RBFOX1: variants seen among roughly 807,000 people sequenced by gnomAD.
RBFOX1 encodes the protein RNA binding protein fox-1 homolog 1.
Under a neutral mutation model 57.7 loss-of-function variants are expected in RBFOX1, and 8 were observed. The observed-to-expected ratio is 0.14, with a 90% confidence interval of 0.08 to 0.25. The LOEUF is 0.25. Ranked by LOEUF, RBFOX1 falls within the 10% of genes least tolerant of loss-of-function variation. The pLI is 1.00. For missense variants in RBFOX1, 611 were observed against 548.5 expected (o/e 1.11, Z -1.14); for synonymous variants, 326 against 222.4 (o/e 1.47, Z -4.15).
intron 2 of RBFOX1, among the ~76,000 whole-genome samples, chr16:6,323,956 A>T (rs1322775180): frequency 1.3e-5 from 2 of 152,106 alleles, no homozygotes; most frequent in Non-Finnish European, 2.9e-5. Flanking sequence ...TATTTTTAGT[A>T]GAGAAAGGGT....
intron 1 of RBFOX1, among the ~76,000 whole-genome samples, chr16:5,257,112 C>G (rs185260424): frequency 7.0e-4 from 106 of 152,042 alleles, no homozygotes; most frequent in African/African-American, 2.4e-3. Flanking sequence ...GGGGGAGCCA[C>G]TTTGGGTTCT....
intron 2 of RBFOX1, among the ~76,000 whole-genome samples, chr16:6,408,404 G>C (rs1051114631): frequency 3.3e-5 from 5 of 152,178 alleles, no homozygotes; most frequent in Non-Finnish European, 7.4e-5. Flanking sequence ...GGGAGCCAAT[G>C]GTTAGTGTTT....
At chr16:6,505,809 A>C (rs2096073189) in intron 2 of RBFOX1, among the ~76,000 whole-genome samples, 1 of 152,234 alleles carries the variant, frequency 6.6e-6, no homozygotes, top group South Asian at 2.1e-4. Flanking sequence ...TTCTGATAAC[A>C]CATTCATTCA....
At chr16:5,416,113 G>A (rs1016505681) in intron 1 of RBFOX1, among the ~76,000 whole-genome samples, 26 of 152,234 alleles carry the variant, frequency 1.7e-4, no homozygotes, top group African/African-American at 6.3e-4. Context: ...TCTCGTTTAT[G>A]AGAGTTGACA....
chr16:6,638,521 A>C (rs1180470330), intron 2 of RBFOX1, among the ~76,000 whole-genome samples: 1 of 152,186 alleles, frequency 6.6e-6, no homozygotes. Context: ...AACTTTTACT[A>C]CCATGTTGTC....
chr16:7,009,374 CACCTTAAAATGAAAAAAA>C (rs2093535947), intron 3 of RBFOX1, among the ~76,000 whole-genome samples: 1 of 151,182 alleles, frequency 6.6e-6, no homozygotes, highest in Non-Finnish European at 1.5e-5. Flanking sequence ...GAATTAGAAG[CACCTTAAAATGAAAAAAA>C]TGTCTCGCCA....
chr16:5,243,230 C>T (rs1199020179), intron 1 of RBFOX1, among the ~76,000 whole-genome samples: 2 of 152,150 alleles, frequency 1.3e-5, no homozygotes, highest in African/African-American at 4.8e-5. Flanking sequence ...GTTGAGCCTT[C>T]CCCAAGACCA....
At chr16:7,303,701 T>G (rs1286276891) in intron 4 of RBFOX1, among the ~76,000 whole-genome samples, 1 of 152,092 alleles carries the variant, frequency 6.6e-6, no homozygotes, top group Non-Finnish European at 1.5e-5. Flanking sequence ...TGAGCTTCAG[T>G]GTGAGTCAAA....
intron 3 of RBFOX1, among the ~76,000 whole-genome samples, chr16:6,725,129 C>A (rs1018515464): frequency 1.4e-5 from 2 of 141,896 alleles, no homozygotes; most frequent in Non-Finnish European, 3.0e-5. Flanking sequence ...CGGCTCACTG[C>A]AAGCTCTGCG....
chr16:5,596,112 A>G (rs2047172561), intron 2 of RBFOX1, among the ~76,000 whole-genome samples: 1 of 152,140 alleles, frequency 6.6e-6, no homozygotes, highest in Non-Finnish European at 1.5e-5. Flanking sequence ...GAAAGCCCCT[A>G]GCTAGGGGGA....
intron 3 of RBFOX1, among the ~76,000 whole-genome samples, chr16:6,821,661 T>G (rs901748134): frequency 2.0e-5 from 3 of 152,214 alleles, no homozygotes; most frequent in African/African-American, 7.2e-5. Flanking sequence ...TTCATCTGAC[T>G]TCTTTCAGCA....
At chr16:7,245,317 GT>G (rs2094245626) in intron 4 of RBFOX1, among the ~76,000 whole-genome samples, 1 of 152,002 alleles carries the variant, frequency 6.6e-6, no homozygotes, top group Non-Finnish European at 1.5e-5. Context: ...GTACTCTTGA[GT>G]TTTTTTAAAT....
intron 2 of RBFOX1, among the ~76,000 whole-genome samples, chr16:6,410,985 G>C (rs192664864): frequency 4.0e-4 from 61 of 152,238 alleles, no homozygotes; most frequent in South Asian, 2.1e-3. Context: ...ATAACCCCGG[G>C]ATGTAGTTAT....
intron 2 of RBFOX1, among the ~76,000 whole-genome samples, chr16:5,561,364 A>T (rs955401432): frequency 6.6e-6 from 1 of 152,138 alleles, no homozygotes; most frequent in Non-Finnish European, 1.5e-5. Flanking sequence ...AAGGGGACCT[A>T]TAGCTTCATT....
intron 3 of RBFOX1, among the ~76,000 whole-genome samples, chr16:7,012,619 C>T (rs544652140): frequency 2.0e-5 from 3 of 152,058 alleles, no homozygotes; most frequent in Non-Finnish European, 2.9e-5. Context: ...CAGAATTGTG[C>T]TCCAGAAAAA....
At chr16:7,480,590 C>T (rs1054306862) in intron 4 of RBFOX1, among the ~76,000 whole-genome samples, 3 of 152,070 alleles carry the variant, frequency 2.0e-5, no homozygotes, top group Admixed American at 1.3e-4. Context: ...TTTTTTCAAG[C>T]GTGGACTCAT....
At chr16:6,422,707 AG>A (rs934936407) in intron 2 of RBFOX1, among the ~76,000 whole-genome samples, 73 of 152,242 alleles carry the variant, frequency 4.8e-4, no homozygotes, top group Non-Finnish European at 2.2e-4. Flanking sequence ...ACCGGATCTC[AG>A]GGGAACTCTT....
rs111725070 is a variant in RBFOX1, at chr16:7,429,614, G to A, written c.28-88533G>A. ...TAGAGGAGGTGAGCAGAAAATAGTCGTCAGGTGGATGAATACAGGATGGGA... is the reference window on the plus strand; with the variant it reads ...TAGAGGAGGTGAGCAGAAAATAGTCATCAGGTGGATGAATACAGGATGGGA... On this transcript the variant is annotated intron_variant, in intron 4 of 15. Coordinates refer to ENST00000550418, the MANE Select transcript of RBFOX1 (RefSeq NM_018723.4). 5.7e-3 allele frequency among the ~76,000 whole-genome samples: 870 copies of A among 152,266 alleles called. 3 individuals carry two copies. Among genetic ancestry groups the A allele is most frequent in the Admixed American group, 8.3e-3 (127 of 15,296 alleles).
chr16:6,299,381 C>G (rs576487113), intron 1 of RBFOX1, among the ~76,000 whole-genome samples: 2 of 152,286 alleles, frequency 1.3e-5, no homozygotes, highest in Admixed American at 1.3e-4. Flanking sequence ...TCATGTAATT[C>G]TAAAAATAGC....
Sources: gnomAD v4.1 joint callset for allele counts (sites outside exome capture counted in the v4.1 genomes callset) on GRCh38, gnomAD v4.1.1 for gene constraint, MANE v1.5 for transcripts, NCBI Gene and HGNC (gene_info 2026-07-23, HGNC 2026-07-21) for gene names.